The following KCNJ16 variants were observed in gnomAD, a reference collection of about 807,000 sequenced individuals.
The protein encoded by KCNJ16 is potassium inwardly rectifying channel subfamily J member 16.
KCNJ16 carries 15 observed loss-of-function variants against 18.5 expected under a neutral mutation model. The observed-to-expected ratio is 0.81, with a 90% CI of 0.54 to 1.25. KCNJ16 has a LOEUF of 1.25. Ranked by LOEUF, KCNJ16 falls within the 50% of genes most tolerant of loss-of-function variation. KCNJ16 has a pLI of 0.00. For missense variants in KCNJ16, 523 were observed against 525.7 expected (o/e 0.99, Z 0.05); for synonymous variants, 174 against 186.5 (o/e 0.93, Z 0.55).
chr17:70,132,607 A>C lies in KCNJ16; in HGVS notation c.520A>C (p.Thr174Pro). 1 of 1,614,244 alleles carries C rather than the reference A, an allele frequency of 6.2e-7. No individual in the cohort carries two copies. The highest frequency in any genetic ancestry group is 8.5e-7 in the Non-Finnish European group (1 of 1,180,034). ...TGGAGCTGCCTTGGCCAAAATGGCAACTGCTCGAAAGAGAGCCCAAACCAT... is the reference window on the plus strand; with the variant it reads ...TGGAGCTGCCTTGGCCAAAATGGCACCTGCTCGAAAGAGAGCCCAAACCAT... ...IIGAALAKMA[T>P]ARKRAQTIRF... is the part of the protein sequence containing the mutation. The change falls in exon 4 of 4, where the codon ACT (threonine) becomes CCT (proline). Residue 174 changes from threonine (T) to proline (P), a missense_variant. By Grantham distance (38) the Thr-to-Pro change is conservative. Transcript: ENST00000392671.
chr17:70,105,097 A>G (rs775589076), intron 2 of KCNJ16: 22 of 152,426 alleles, frequency 1.4e-4, no homozygotes, highest in Admixed American at 3.3e-4. Flanking sequence ...TTGTGGATTA[A>G]AAGTGTTCCA....
At chr17:70,110,220 GT>G (rs2073127078) in intron 2 of KCNJ16, among the ~76,000 whole-genome samples, 1 of 152,008 alleles carries the variant, frequency 6.6e-6, no homozygotes, top group Non-Finnish European at 1.5e-5. Context: ...GACATAAAGG[GT>G]TTTTTTGTTT....
chr17:70,091,850 C>T (rs1266733038), intron 1 of KCNJ16, among the ~76,000 whole-genome samples: 3 of 152,084 alleles, frequency 2.0e-5, no homozygotes, highest in African/African-American at 4.8e-5. Flanking sequence ...TACATTTAAT[C>T]GGGGAGTGTG....
chr17:70,115,559 C>T (rs2073368787), intron 2 of KCNJ16, among the ~76,000 whole-genome samples: 1 of 152,192 alleles, frequency 6.6e-6, no homozygotes, highest in Non-Finnish European at 1.5e-5. Flanking sequence ...TTAAAACAGA[C>T]ATTGTTACAC....
chr17:70,127,291 G>A (rs1005043286), intron 2 of KCNJ16, among the ~76,000 whole-genome samples: 4 of 152,054 alleles, frequency 2.6e-5, no homozygotes, highest in South Asian at 2.1e-4. Flanking sequence ...AAGTTAGAGA[G>A]TCAGGGAGTA....
At chr17:70,122,349 CT>C (rs1358501759) in intron 2 of KCNJ16, among the ~76,000 whole-genome samples, 1 of 151,532 alleles carries the variant, frequency 6.6e-6, no homozygotes, top group African/African-American at 2.4e-5. Flanking sequence ...ATTTTTTTTA[CT>C]TTTTTTAGTA....
chr17:70,096,804 C>T (rs898797453), intron 1 of KCNJ16: 26 of 391,898 alleles, frequency 6.6e-5, no homozygotes, highest in Non-Finnish European at 1.0e-4. Flanking sequence ...GTGTTCTCAA[C>T]AGCTTCTACT....
rs36047658 is a variant in KCNJ16, at chr17:70,131,194, C to CAAA, written c.-94+232_-94+234dup. ...AGGGAAAGAGAAGAGCTGCCAGTGT[C>CAAA]AAAAAAAAAAAAAAAGAAAGAAAGA... is the stretch of plus-strand genomic sequence containing the variant. On this transcript the variant is annotated intron_variant, in intron 3 of 3. Transcript: ENST00000392671. Among the ~76,000 whole-genome samples the CAAA allele has an allele frequency of 5.0e-3, 431 of 85,776 alleles. 5 individuals carry two copies. The highest frequency in any genetic ancestry group is 0.014 in the African/African-American group (401 of 29,284). 56.3% of individuals were successfully genotyped at this position (85,776 alleles called of 152,430 possible).
intron 1 of KCNJ16, among the ~76,000 whole-genome samples, chr17:70,088,189 T>C (rs930659823): frequency 1.3e-5 from 2 of 152,076 alleles, no homozygotes; most frequent in South Asian, 2.1e-4. Flanking sequence ...TGGCACCAGA[T>C]ACTGGTTTTG....
At chr17:70,081,030 T>C (rs2071530447) in intron 1 of KCNJ16, among the ~76,000 whole-genome samples, 1 of 152,212 alleles carries the variant, frequency 6.6e-6, no homozygotes, top group African/African-American at 2.4e-5. Flanking sequence ...GTTAGTGTTC[T>C]TGTAATATGT....
chr17:70,087,291 G>A (rs2071847940), intron 1 of KCNJ16, among the ~76,000 whole-genome samples: 1 of 152,162 alleles, frequency 6.6e-6, no homozygotes, highest in South Asian at 2.1e-4. Context: ...AGTGATGTTA[G>A]TGTAAGACAG....
At chr17:70,105,390 T>C (rs1354459097) in intron 2 of KCNJ16, among the ~76,000 whole-genome samples, 1 of 152,204 alleles carries the variant, frequency 6.6e-6, no homozygotes, top group Admixed American at 6.6e-5. Context: ...CATAACTTAC[T>C]GACGTGGAGC....
chr17:70,131,103 T>G, intron 3 of KCNJ16, 128 bp downstream of exon 3: 1 of 1,036,610 alleles, frequency 9.6e-7, no homozygotes, highest in Non-Finnish European at 1.4e-6. Context: ...GGTTCAATTG[T>G]AGCGTGCTCC....
At chr17:70,092,471 C>T (rs8182294) in intron 1 of KCNJ16, among the ~76,000 whole-genome samples, 128,474 of 151,146 alleles carry the variant, frequency 0.85, 54,598 homozygotes, top group East Asian at 0.95. Flanking sequence ...AGTCAAGGTT[C>T]TCTAGAGAAA....
At position 70,135,594 on chromosome 17, in the gene KCNJ16, A is replaced by T. The variant is rs2144337654; in HGVS notation, c.*2250A>T. On this transcript the variant is annotated 3_prime_UTR_variant, in exon 4 of 4. Transcript: ENST00000392671. ...TGAGTTACTTAATAATAAAGATCTT[A>T]AAATAATGCAAAAACTGTGTGCATA... is the stretch of plus-strand genomic sequence containing the variant. 6.1e-6 allele frequency: 1 copy of T among 164,834 alleles called. No homozygotes were observed. Among genetic ancestry groups the T allele is most frequent in the South Asian group, 2.1e-4 (1 of 4,830 alleles). The allele number at this position is 164,834 out of a possible 1,614,324, so 10.2% of individuals were successfully genotyped here.
chr17:70,103,324 A>ACACACACACACATCT (rs142139198), intron 2 of KCNJ16, among the ~76,000 whole-genome samples: 3 of 113,346 alleles, frequency 2.6e-5, no homozygotes, highest in African/African-American at 6.7e-5. Flanking sequence ...ATATATATAC[A>ACACACACACACATCT]CACACATATA....
At chr17:70,080,244 T>C (rs893216803) in intron 1 of KCNJ16, among the ~76,000 whole-genome samples, 2 of 152,174 alleles carry the variant, frequency 1.3e-5, no homozygotes, top group Admixed American at 1.3e-4. Context: ...TCTGAATAAC[T>C]GTGTTTACAG....
chr17:70,125,306 G>C (rs1312105731), intron 2 of KCNJ16, among the ~76,000 whole-genome samples: 1 of 151,560 alleles, frequency 6.6e-6, no homozygotes, highest in Non-Finnish European at 1.5e-5. Context: ...AGAAATAAAA[G>C]TCACCTTGTC....
intron 1 of KCNJ16, among the ~76,000 whole-genome samples, chr17:70,100,238 T>C (rs901857914): frequency 1.2e-4 from 18 of 152,358 alleles, no homozygotes; most frequent in African/African-American, 3.6e-4. Flanking sequence ...AAAAATTGTA[T>C]TCATTTCCTA....
Sources: allele counts gnomAD v4.1 joint callset (sites outside exome capture counted in the v4.1 genomes callset), GRCh38; gene constraint gnomAD v4.1.1; transcripts MANE v1.5; gene names NCBI Gene and HGNC (gene_info 2026-07-23, HGNC 2026-07-21).